The following IL1RAP variants were observed in gnomAD, a reference collection of about 807,000 sequenced individuals.
IL1RAP encodes the protein interleukin 1 receptor accessory protein.
In IL1RAP, 35 loss-of-function variants were observed where a neutral mutation model predicts 60.7. The ratio of observed to expected loss-of-function variants is 0.58; its 90% CI spans 0.44 to 0.76. IL1RAP has a LOEUF of 0.76. Among genes scored for constraint, IL1RAP ranks in the 30% least tolerant of loss-of-function variants. The probability of loss-of-function intolerance (pLI) is 0.00; values close to 1 mark genes in which losing one functional copy is unlikely to be tolerated. For missense variants in IL1RAP, 572 were observed against 693.9 expected (o/e 0.82, Z 1.97); for synonymous variants, 268 against 250.9 (o/e 1.07, Z -0.64).
At chr3:190,608,199 ATAGAG>A (rs1030710677) in intron 4 of IL1RAP, among the ~76,000 whole-genome samples, 4 of 152,174 alleles carry the variant, frequency 2.6e-5, no homozygotes, top group African/African-American at 9.7e-5. Flanking sequence ...TATGACCATC[ATAGAG>A]TATAGTTACA....
intron 5 of IL1RAP, 98 bp from the exon 6 acceptor site, chr3:190,620,177 G>T (rs1030890143): frequency 2.9e-5 from 17 of 591,824 alleles, no homozygotes; most frequent in African/African-American, 2.7e-4. Flanking sequence ...TGAATATTTC[G>T]GTGTTCTGTG....
At chr3:190,613,428 G>C (rs897502916) in intron 5 of IL1RAP, among the ~76,000 whole-genome samples, 1 of 152,276 alleles carries the variant, frequency 6.6e-6, no homozygotes, top group South Asian at 2.1e-4. Flanking sequence ...GCTAAAGACA[G>C]AAAATTGGGT....
chr3:190,634,719 G>GTTTTTTTTT (rs1733070414), intron 9 of IL1RAP, among the ~76,000 whole-genome samples: 1 of 128,442 alleles, frequency 7.8e-6, no homozygotes, highest in African/African-American at 3.4e-5. Context: ...TTTTTTTTTT[G>GTTTTTTTTT]TTGTTGTTTT....
Position 190,546,600 on chromosome 3 carries a change from G to A in IL1RAP, c.-88-9530G>A, listed in dbSNP as rs529468641. On this transcript the variant is annotated intron_variant, in intron 1 of 11. Transcript: ENST00000447382. ...TATGTTAACTCATATAATCCCCTCA[G>A]CAATCCTAGGAAGTAGAAATTATTA... is the stretch of plus-strand genomic sequence containing the variant. Among the ~76,000 whole-genome samples the A allele has an allele frequency of 2.0e-5, 3 of 152,232 alleles. No homozygotes were observed. In the South Asian group the frequency reaches 6.2e-4, roughly 32 times the overall value.
chr3:190,639,950 T>G (rs1733533497), intron 9 of IL1RAP, among the ~76,000 whole-genome samples: 2 of 152,234 alleles, frequency 1.3e-5, no homozygotes, highest in African/African-American at 4.8e-5. Context: ...CAGCCCTTCA[T>G]GTGCTCCTAG....
At chr3:190,542,118 G>T (rs1723989668) in intron 1 of IL1RAP, among the ~76,000 whole-genome samples, 1 of 152,074 alleles carries the variant, frequency 6.6e-6, no homozygotes, top group African/African-American at 2.4e-5. Context: ...GTAACTCAGG[G>T]ATTTTACTAT....
At chr3:190,612,620 C>T (rs76533196) in intron 5 of IL1RAP, among the ~76,000 whole-genome samples, 1,651 of 152,116 alleles carry the variant, frequency 0.011, 24 homozygotes, top group African/African-American at 0.036. Flanking sequence ...TACAGATAGT[C>T]CTCGATTTAC....
At chr3:190,604,074 C>G (rs764864995) in intron 3 of IL1RAP, 54 bp from the exon 4 acceptor site, 83 of 1,544,254 alleles carry the variant, frequency 5.4e-5, no homozygotes, top group Non-Finnish European at 6.4e-5. Flanking sequence ...TCTTTTGAGG[C>G]CTTTGTTGTA....
intron 10 of IL1RAP, among the ~76,000 whole-genome samples, chr3:190,645,165 A>G (rs928229608): frequency 3.9e-5 from 6 of 152,230 alleles, no homozygotes; most frequent in Non-Finnish European, 7.3e-5. Context: ...AAAGATTTTA[A>G]TTCAGTAGGC....
chr3:190,629,327 G>T, intron 8 of IL1RAP, 23 bp from the exon 9 acceptor site: 2 of 1,548,082 alleles, frequency 1.3e-6, no homozygotes, highest in South Asian at 1.2e-5. Flanking sequence ...CAAATGCTTT[G>T]ATTTTCTTCT....
intron 3 of IL1RAP, among the ~76,000 whole-genome samples, chr3:190,591,855 A>G (rs900093065): frequency 2.0e-5 from 3 of 152,190 alleles, no homozygotes; most frequent in Admixed American, 6.5e-5. Flanking sequence ...GCGTTTCTCC[A>G]GTGTACTGTG....
At chr3:190,547,501 A>C (rs1015905959) in intron 1 of IL1RAP, among the ~76,000 whole-genome samples, 32 of 152,232 alleles carry the variant, frequency 2.1e-4, no homozygotes, top group Admixed American at 2.1e-3. Flanking sequence ...TTAGATACAG[A>C]AACATGATAT....
chr3:190,617,541 C>T (rs1731383759), intron 5 of IL1RAP, among the ~76,000 whole-genome samples: 1 of 152,172 alleles, frequency 6.6e-6, no homozygotes, highest in Non-Finnish European at 1.5e-5. Flanking sequence ...TCTAGTCAGA[C>T]AAGTGTTTGC....
intron 3 of IL1RAP, among the ~76,000 whole-genome samples, chr3:190,567,797 A>G (rs1726548623): frequency 6.6e-6 from 1 of 152,176 alleles, no homozygotes; most frequent in South Asian, 2.1e-4. Context: ...TGATTGTAAT[A>G]CAAAATTCAA....
In IL1RAP at chr3:190,536,209, T is replaced by C. The variant is rs188016925; in HGVS notation, c.-88-19921T>C. ...TCCTTCATGCAAGTTTGTGACTTCT[T>C]CTCTGCCTAGGCATAAGGACTCAGA... On this transcript the variant is annotated intron_variant, in intron 1 of 11. Transcript: ENST00000447382. Among the ~76,000 whole-genome samples, 166 of 152,320 alleles carry C rather than the reference T, an allele frequency of 1.1e-3. 2 individuals carry two copies. Among genetic ancestry groups the C allele is most frequent in the African/African-American group, 3.8e-3 (158 of 41,574 alleles).
intron 1 of IL1RAP, among the ~76,000 whole-genome samples, chr3:190,529,785 C>T (rs1245113361): frequency 9.6e-5 from 14 of 145,130 alleles, no homozygotes; most frequent in Non-Finnish European, 1.5e-4. Flanking sequence ...ATCCGGGAGG[C>T]GGAGGTTGCA....
intron 7 of IL1RAP, among the ~76,000 whole-genome samples, chr3:190,625,488 G>C (rs569135561): frequency 6.6e-6 from 1 of 152,120 alleles, no homozygotes; most frequent in Non-Finnish European, 1.5e-5. Context: ...AATTAAAAGA[G>C]TTCAGGGACT....
intron 1 of IL1RAP, among the ~76,000 whole-genome samples, chr3:190,525,681 C>T (rs1290332871): frequency 6.6e-6 from 1 of 152,202 alleles, no homozygotes; most frequent in Non-Finnish European, 1.5e-5. Context: ...TTCATAGGCT[C>T]TCGTTCCCAT....
intron 3 of IL1RAP, among the ~76,000 whole-genome samples, chr3:190,566,271 A>G (rs1726389206): frequency 1.3e-5 from 2 of 152,090 alleles, no homozygotes; most frequent in Non-Finnish European, 2.9e-5. Flanking sequence ...CTGCCCCCAG[A>G]CTGTCCAGTT....
Sources: allele counts gnomAD v4.1 joint callset (sites outside exome capture counted in the v4.1 genomes callset), GRCh38; gene constraint gnomAD v4.1.1; transcripts MANE v1.5; gene names NCBI Gene and HGNC (gene_info 2026-07-23, HGNC 2026-07-21).